The following SFXN5 variants were observed in gnomAD, a reference collection of about 807,000 sequenced individuals.
The protein encoded by SFXN5 is sideroflexin-5.
Under a neutral mutation model 50.2 loss-of-function variants are expected in SFXN5, and 43 were observed. The ratio of observed to expected loss-of-function variants is 0.86; its 90% CI spans 0.67 to 1.11. SFXN5 has a LOEUF of 1.11. Ranked by LOEUF, SFXN5 falls within the 50% of genes least tolerant of loss-of-function variation. The pLI is 0.00. For synonymous variants in SFXN5, 203 were observed against 185.8 expected, an observed-to-expected ratio of 1.09 and a Z score of -0.75; for missense variants, 463 against 454.1, an observed-to-expected ratio of 1.02 and a Z score of -0.18.
intron 6 of SFXN5, among the ~76,000 whole-genome samples, chr2:73,009,926 G>A (rs1675281984): frequency 6.6e-6 from 1 of 152,176 alleles, no homozygotes; most frequent in Non-Finnish European, 1.5e-5. Flanking sequence ...CATCTGCTGG[G>A]TTGGCCAGTT....
intron 2 of SFXN5, chr2:73,053,404 C>T (rs1272517408): frequency 1.3e-5 from 2 of 154,332 alleles, no homozygotes; most frequent in African/African-American, 2.4e-5. Context: ...ATCATGCTCT[C>T]CTTCCCGCTG....
At chr2:73,068,818 G>T (rs1180448178) in intron 1 of SFXN5, among the ~76,000 whole-genome samples, 1 of 151,838 alleles carries the variant, frequency 6.6e-6, no homozygotes, top group Non-Finnish European at 1.5e-5. Context: ...TTTGCAGTAA[G>T]CGAACACTCA....
At position 73,022,620 on chromosome 2, in the gene SFXN5, A is replaced by T. The variant is rs759638960; in HGVS notation, c.277-44T>A. 59 of 72,332 alleles carry T rather than the reference A, an allele frequency of 8.2e-4. No homozygotes were observed. The Admixed American group carries it at 0.017, about 21-fold the overall frequency. The allele number at this position is 72,332 out of a possible 1,614,324, so 4.5% of individuals were successfully genotyped here. Reference sequence around the variant, plus strand: ...GAGAATGGGGTGGGGACGGGGGTGTAGGGAGGGGGAAGGGGGAAGGGGGAG... The same window carrying T: ...GAGAATGGGGTGGGGACGGGGGTGTTGGGAGGGGGAAGGGGGAAGGGGGAG... On this transcript the variant is annotated intron_variant, in intron 4 of 13. Coordinates refer to ENST00000272433, the MANE Select transcript of SFXN5 (RefSeq NM_144579.3).
chr2:73,032,185 G>A (rs1028762433), intron 3 of SFXN5, among the ~76,000 whole-genome samples: 5 of 152,134 alleles, frequency 3.3e-5, no homozygotes, highest in Admixed American at 6.5e-5. Flanking sequence ...TCAAGAGTTC[G>A]ACGGGACATC....
chr2:72,950,745 C>A lies in SFXN5; in HGVS notation c.946-5646G>T, dbSNP rs1672440409. On this transcript the variant is annotated intron_variant, in intron 13 of 13. Transcript: ENST00000272433. This position sits in a 1 kb window ranked among gnomAD's most constrained non-coding sequence, Gnocchi z 4.2. ...TAAGTGAAAGTGACTCAGGTCTGAG[C>A]AAAGGCAATAAAGCATCTCTTCCTG... 6.6e-6 allele frequency among the ~76,000 whole-genome samples: 1 copy of A among 152,376 alleles called. No individual in the cohort carries two copies. The highest frequency in any genetic ancestry group is 2.4e-5 in the African/African-American group (1 of 41,582).
intron 1 of SFXN5, among the ~76,000 whole-genome samples, chr2:73,060,383 C>T (rs1682661061): frequency 6.6e-6 from 1 of 152,052 alleles, no homozygotes; most frequent in Non-Finnish European, 1.5e-5. Context: ...TAAATCTAAT[C>T]ACAAGAAAAC....
chr2:73,008,514 G>A (rs1010406059), intron 6 of SFXN5, among the ~76,000 whole-genome samples: 14 of 152,200 alleles, frequency 9.2e-5, no homozygotes, highest in Admixed American at 5.2e-4. Context: ...CAGGAGCAGA[G>A]GAGAAATGGA....
chr2:73,017,766 C>T (rs1386991374), intron 6 of SFXN5, among the ~76,000 whole-genome samples: 2 of 152,186 alleles, frequency 1.3e-5, no homozygotes, highest in Non-Finnish European at 2.9e-5. Context: ...CAAGTTGTAT[C>T]TCCTAGCTCT....
At chr2:73,047,814 A>C (rs985890553) in intron 2 of SFXN5, among the ~76,000 whole-genome samples, 6 of 152,182 alleles carry the variant, frequency 3.9e-5, no homozygotes, top group Non-Finnish European at 8.8e-5. Context: ...GTAAATGTGA[A>C]ATATTTATCT....
At chr2:73,050,396 AC>A (rs1681127842) in intron 2 of SFXN5, among the ~76,000 whole-genome samples, 2 of 148,618 alleles carry the variant, frequency 1.3e-5, no homozygotes, top group East Asian at 4.0e-4. Flanking sequence ...GCGCACGCAC[AC>A]ACACACACAC....
At chr2:73,060,196 T>C (rs1682637784) in intron 1 of SFXN5, among the ~76,000 whole-genome samples, 1 of 151,106 alleles carries the variant, frequency 6.6e-6, no homozygotes, top group Non-Finnish European at 1.5e-5. Context: ...GTAGGGAGGG[T>C]ACAAGATGAA....
At chr2:72,966,500 A>G (rs1573978009) in intron 12 of SFXN5, among the ~76,000 whole-genome samples, 1 of 152,116 alleles carries the variant, frequency 6.6e-6, no homozygotes, top group Non-Finnish European at 1.5e-5. Context: ...GTCTGTTGCA[A>G]ACTTCCATAC....
chr2:73,003,448 G>T (rs1407423007), intron 6 of SFXN5, among the ~76,000 whole-genome samples: 3 of 152,176 alleles, frequency 2.0e-5, no homozygotes, highest in African/African-American at 7.2e-5. Flanking sequence ...ACACCACAGG[G>T]TTCCCTTTAT....
At chr2:72,984,901 C>T (rs1671717416) in intron 10 of SFXN5, among the ~76,000 whole-genome samples, 2 of 152,154 alleles carry the variant, frequency 1.3e-5, no homozygotes, top group Non-Finnish European at 2.9e-5. Context: ...AGGCTTCAGG[C>T]TGGGGCCTGC....
intron 10 of SFXN5, among the ~76,000 whole-genome samples, chr2:72,986,781 A>T (rs560409764): frequency 5.9e-5 from 9 of 152,326 alleles, no homozygotes; most frequent in Admixed American, 5.9e-4. Context: ...CCAGGGCCCC[A>T]GCCTGGGGCA....
At chr2:73,069,835 A>G (rs76870160) in intron 1 of SFXN5, among the ~76,000 whole-genome samples, 1 of 152,114 alleles carries the variant, frequency 6.6e-6, no homozygotes, top group Non-Finnish European at 1.5e-5. Flanking sequence ...AAAAAAAAAA[A>G]GGAAACACAA....
intron 1 of SFXN5, among the ~76,000 whole-genome samples, chr2:73,065,360 CG>C (rs1376424710): frequency 6.6e-6 from 1 of 152,090 alleles, no homozygotes; most frequent in East Asian, 1.9e-4. Flanking sequence ...CTTGGCCTCT[CG>C]AAGTGCTGGG....
intron 8 of SFXN5, among the ~76,000 whole-genome samples, chr2:72,999,699 T>C (rs1465342621): frequency 2.0e-5 from 3 of 152,040 alleles, no homozygotes; most frequent in Admixed American, 6.5e-5. Context: ...GGCCTCTCAA[T>C]TCCTATGGCC....
In SFXN5 at chr2:73,021,269, G is replaced by A. The variant is rs896633767; in HGVS notation, c.332-1005C>T. On this transcript the variant is annotated intron_variant, in intron 5 of 13. Coordinates refer to ENST00000272433, the MANE Select transcript of SFXN5 (RefSeq NM_144579.3). ...AGGCCAAAGCAGGCGGATCACTTGA[G>A]GTCAGGAGTTCTAGACCAGCCTGGC... 7.2e-5 allele frequency among the ~76,000 whole-genome samples: 11 copies of A among 152,258 alleles called. No individual in the cohort carries two copies. In the East Asian group the frequency reaches 1.7e-3, roughly 24 times the overall value.
Sources: gnomAD v4.1 joint callset for allele counts (sites outside exome capture counted in the v4.1 genomes callset) on GRCh38, gnomAD v4.1.1 for gene constraint, Gnocchi (gnomAD v3.1) non-coding constraint, MANE v1.5 for transcripts, NCBI Gene and HGNC (gene_info 2026-07-23, HGNC 2026-07-21) for gene names.